The following TRIM22 variants were observed in gnomAD, a reference collection of about 807,000 sequenced individuals.
TRIM22 encodes the protein E3 ubiquitin-protein ligase TRIM22.
Under a neutral mutation model 53.6 loss-of-function variants are expected in TRIM22, and 45 were observed. That is an observed-to-expected ratio of 0.84 (90% CI 0.66 to 1.08). The LOEUF is 1.08. TRIM22 is among the 50% of genes least tolerant of loss of function. The probability of loss-of-function intolerance (pLI) is 0.00; values close to 1 mark genes in which losing one functional copy is unlikely to be tolerated. For synonymous variants in TRIM22, 225 were observed against 216.6 expected (o/e 1.04, Z -0.34); for missense variants, 616 against 590.9 (o/e 1.04, Z -0.44).
intron 1 of TRIM22, among the ~76,000 whole-genome samples, chr11:5,695,789 G>A (rs937131292): frequency 1.3e-5 from 2 of 152,170 alleles, no homozygotes; most frequent in South Asian, 2.1e-4. Context: ...AGAAAAGCCT[G>A]TGTGCAAGCC....
intron 5 of TRIM22, 25 bp from the exon 6 acceptor site, chr11:5,708,148 G>C (rs1279329916): frequency 1.9e-6 from 3 of 1,564,114 alleles, no homozygotes; most frequent in Non-Finnish European, 2.6e-6. Flanking sequence ...AAGGTGTAAA[G>C]GTTATCAATT....
Position 5,689,830 on chromosome 11 carries a change from G to C in TRIM22, c.-136G>C, listed in dbSNP as rs1426723749. Reference sequence around the variant, plus strand: ...CCCTCTGGCTTGGTGAGTGAATCTGGTTTACACCGGCTCCTGCCCTGCCTT... The same window carrying C: ...CCCTCTGGCTTGGTGAGTGAATCTGCTTTACACCGGCTCCTGCCCTGCCTT... On this transcript the variant is annotated 5_prime_UTR_variant, in exon 1 of 8. Transcript: ENST00000379965. 1 of 152,250 alleles carries C rather than the reference G, an allele frequency of 6.6e-6. No individual in the cohort carries two copies. The highest frequency in any genetic ancestry group is 1.5e-5 in the Non-Finnish European group (1 of 68,076). The allele number at this position is 152,250 out of a possible 1,614,324, so 9.4% of individuals were successfully genotyped here. A position where few individuals can be genotyped will look rare whatever the true frequency, so the allele number is the denominator to read the frequency against.
chr11:5,690,870 G>C (rs1035955939), intron 1 of TRIM22, among the ~76,000 whole-genome samples: 4 of 152,170 alleles, frequency 2.6e-5, no homozygotes, highest in Non-Finnish European at 5.9e-5. Flanking sequence ...TCTGGATCTG[G>C]GTATGAGGCG....
At chr11:5,709,006 C>T (rs202021323) in intron 7 of TRIM22, 47 bp from the exon 8 acceptor site, 133 of 1,404,962 alleles carry the variant, frequency 9.5e-5, no homozygotes, top group Middle Eastern at 5.4e-4. Context: ...TGCTGTAAGA[C>T]ACACCTATCC....
At chr11:5,708,631 C>T in intron 7 of TRIM22, 28 bp downstream of exon 7, 2 of 1,600,788 alleles carry the variant, frequency 1.2e-6, no homozygotes, top group South Asian at 2.2e-5. Context: ...TTTCAAATCA[C>T]TTCCTTTCAG....
chr11:5,692,223 C>G (rs1359511217), intron 1 of TRIM22, among the ~76,000 whole-genome samples: 1 of 152,146 alleles, frequency 6.6e-6, no homozygotes, highest in Admixed American at 6.5e-5. Context: ...ACTAAAAGGG[C>G]TGCAATAGGA....
chr11:5,701,981 T>C (rs1269454888), intron 4 of TRIM22, among the ~76,000 whole-genome samples: 1 of 151,618 alleles, frequency 6.6e-6, no homozygotes, highest in Non-Finnish European at 1.5e-5. Context: ...TGCCCTCTTT[T>C]AACTATTTTG....
Position 5,697,276 on chromosome 11 carries a change from T to C in TRIM22, c.452T>C (p.Leu151Pro). The C allele has an allele frequency of 6.2e-7, 1 of 1,613,376 alleles. No homozygotes were observed. The highest frequency in any genetic ancestry group is 1.1e-5 in the South Asian group (1 of 90,896). ...AAGCTGCAGGTAGCCCTGCAGAGGC[T>C]GATAAAGGAGGATCAAGAGGCTGAG... ...QEKLQVALQR[L>P]IKEDQEAEKL... Residue 151 changes from leucine to proline, a missense_variant, in exon 3 of 8, where the codon CTG becomes CCG. Physicochemically the swap from Leu to Pro is moderately conservative, Grantham distance 98. Coordinates refer to ENST00000379965, the MANE Select transcript of TRIM22 (RefSeq NM_006074.5).
chr11:5,699,295 C>T lies in TRIM22; in HGVS notation c.750+750C>T, dbSNP rs183069357. ...ATCCCAGCACTTTGGGAGGCCGAGG[C>T]GGGTGGATCATGAGGTCAGGAGATC... On this transcript the variant is annotated intron_variant, in intron 4 of 7. Transcript: ENST00000379965. Among the ~76,000 whole-genome samples the T allele has an allele frequency of 4.8e-4, 62 of 128,060 alleles. 6 individuals are homozygous for T. Among genetic ancestry groups the T allele is most frequent in the African/African-American group, 9.0e-4 (24 of 26,692 alleles). 84.0% of individuals were successfully genotyped at this position (128,060 alleles called of 152,430 possible). A position where few individuals can be genotyped will look rare whatever the true frequency, so the allele number is the denominator to read the frequency against.
chr11:5,709,252 G>A lies in TRIM22; in HGVS notation c.1101G>A (p.Trp367Ter), dbSNP rs914010975. ...TAGATGTGTCTGGAAAGATTGCCTGGATCCTGGGCGTACACAGTAAAATAA... is the reference window on the plus strand; with the variant it reads ...TAGATGTGTCTGGAAAGATTGCCTGAATCCTGGGCGTACACAGTAAAATAA... ...WEVDVSGKIA[W>*]ILGVHSKISS... The change falls in exon 8 of 8, where the codon TGG becomes TGA. Residue 367 changes from tryptophan to a stop codon, truncating the protein, a stop_gained. Coordinates refer to ENST00000379965, the MANE Select transcript of TRIM22 (RefSeq NM_006074.5). LOFTEE classifies it high-confidence loss of function. 2 of 1,614,166 alleles carry A rather than the reference G, an allele frequency of 1.2e-6. No homozygotes were observed.
chr11:5,700,839 G>A (rs1199768143), intron 4 of TRIM22, among the ~76,000 whole-genome samples: 1 of 151,756 alleles, frequency 6.6e-6, no homozygotes, highest in Non-Finnish European at 1.5e-5. Flanking sequence ...GGGCAGGCTG[G>A]TTTTGAACTC....
chr11:5,698,280 C>G, intron 3 of TRIM22, 35 bp from the exon 4 acceptor site: 1 of 1,586,492 alleles, frequency 6.3e-7, no homozygotes, highest in Non-Finnish European at 8.7e-7. Flanking sequence ...TTCAACCAGC[C>G]AGACTGACTG....
chr11:5,690,177 T>G lies in TRIM22; in HGVS notation c.-67+278T>G, dbSNP rs1362147166. On this transcript the variant is annotated intron_variant, in intron 1 of 7. Transcript: ENST00000379965. ...CTAGGTACCTCCATCACCTTCCTTGTTGGAAATAAAGCTCAGAATCTTAAG... is the reference window on the plus strand; with the variant it reads ...CTAGGTACCTCCATCACCTTCCTTGGTGGAAATAAAGCTCAGAATCTTAAG... 2.0e-5 allele frequency among the ~76,000 whole-genome samples: 3 copies of G among 152,196 alleles called. No individual in the cohort carries two copies. The East Asian group carries it at 5.8e-4, about 29-fold the overall frequency.
chr11:5,691,200 G>A (rs1479534631), intron 1 of TRIM22: 3 of 152,236 alleles, frequency 2.0e-5, no homozygotes, highest in African/African-American at 4.8e-5. Context: ...GGGTTTATTC[G>A]GCCAGGGGCA....
chr11:5,708,531 T>C, intron 6 of TRIM22, 46 bp from the exon 7 acceptor site: 1 of 1,574,310 alleles, frequency 6.4e-7, no homozygotes. Context: ...TGTCAGTACT[T>C]ACTTATTTGC....
chr11:5,699,914 C>A (rs1853342022), intron 4 of TRIM22, among the ~76,000 whole-genome samples: 1 of 150,750 alleles, frequency 6.6e-6, no homozygotes, highest in African/African-American at 2.4e-5. Context: ...TTTTTTATTT[C>A]AAATTTCAAT....
In TRIM22 at chr11:5,708,225, A is replaced by T; in HGVS notation, c.826A>T (p.Ser276Cys). ...KPKSVSKKLK[S>C]VFRVPDLSGM... Reference sequence around the variant, plus strand: ...AAAATCTGTTTCCAAGAAACTAAAGAGTGTATTCCGAGTACCAGATCTGAG... The same window carrying T: ...AAAATCTGTTTCCAAGAAACTAAAGTGTGTATTCCGAGTACCAGATCTGAG... Residue 276 changes from serine to cysteine, a missense_variant, in exon 6 of 8, where the codon AGT becomes TGT. Ser to Cys is a moderately radical substitution (Grantham distance 112). Coordinates refer to ENST00000379965, the MANE Select transcript of TRIM22 (RefSeq NM_006074.5). 1.9e-6 allele frequency: 3 copies of T among 1,614,218 alleles called. No homozygotes were observed. The highest frequency in any genetic ancestry group is 2.5e-6 in the Non-Finnish European group (3 of 1,180,032).
chr11:5,699,656 A>G (rs990156832), intron 4 of TRIM22, among the ~76,000 whole-genome samples: 1 of 150,992 alleles, frequency 6.6e-6, no homozygotes, highest in South Asian at 2.1e-4. Context: ...TAACAATACA[A>G]AAGCTTATAA....
chr11:5,707,836 CAAAA>C (rs1168516080), intron 5 of TRIM22, among the ~76,000 whole-genome samples: 1 of 151,992 alleles, frequency 6.6e-6, no homozygotes, highest in African/African-American at 2.4e-5. Context: ...AACAAACAAA[CAAAA>C]GCATTATTAT....
Sources: allele counts gnomAD v4.1 joint callset (sites outside exome capture counted in the v4.1 genomes callset), GRCh38; gene constraint gnomAD v4.1.1; transcripts MANE v1.5; gene names NCBI Gene and HGNC (gene_info 2026-07-23, HGNC 2026-07-21).